ENOX2: variants seen among roughly 807,000 people sequenced by gnomAD.
ENOX2 encodes ecto-NOX disulfide-thiol exchanger 2, also known as APK1 antigen.
A neutral mutation model predicts 45.0 loss-of-function variants in ENOX2; 36 were observed. That is an observed-to-expected ratio of 0.80 (90% CI 0.61 to 1.06). The LOEUF is 1.06. Ranked by LOEUF, ENOX2 falls within the 50% of genes least tolerant of loss-of-function variation. ENOX2 has a pLI of 0.00. For missense variants in ENOX2, 423 were observed against 462.5 expected (o/e 0.91, Z 0.78); for synonymous variants, 174 against 152.3 (o/e 1.14, Z -1.05).
intron 3 of ENOX2, among the ~76,000 whole-genome samples, chrX:130,706,122 T>G (rs1400850593): frequency 8.9e-6 from 1 of 112,342 alleles, no homozygotes; most frequent in African/African-American, 3.2e-5. Context: ...CTCTCACTCA[T>G]TCCTTGCAAA....
chrX:130,689,072 A>G (rs1435830549), intron 4 of ENOX2, 54 bp from the exon 5 acceptor site: 2 of 1,052,603 alleles, frequency 1.9e-6, no homozygotes, highest in Non-Finnish European at 2.6e-6. Context: ...TTAAGTGGAG[A>G]TAGAATGTTA....
intron 3 of ENOX2, among the ~76,000 whole-genome samples, chrX:130,706,128 G>T (rs990805990): frequency 1.8e-5 from 2 of 111,875 alleles, no homozygotes; most frequent in African/African-American, 6.5e-5. Flanking sequence ...CTCATTCCTT[G>T]CAAACTAAAC....
In ENOX2 at chrX:130,676,484, GC is replaced by G. The variant is rs1258953324; in HGVS notation, c.460+3057del. Among the ~76,000 whole-genome samples, 8 of 111,497 alleles carry G rather than the reference GC, an allele frequency of 7.2e-5. No homozygotes were observed. The Admixed American group carries it at 7.6e-4, about 11-fold the overall frequency. ...GATGGAAATCCCCTTTCTTTTGGCAGCCCTAAGAATGTTTCTAGGAGGTGGC... is the reference window on the plus strand; with the variant it reads ...GATGGAAATCCCCTTTCTTTTGGCAGCCTAAGAATGTTTCTAGGAGGTGGC... On this transcript the variant is annotated intron_variant, in intron 6 of 14. Coordinates refer to ENST00000394363, the MANE Select transcript of ENOX2 (RefSeq NM_006375.4).
intron 6 of ENOX2, among the ~76,000 whole-genome samples, chrX:130,673,786 C>T (rs764045987): frequency 8.9e-6 from 1 of 111,883 alleles, no homozygotes; most frequent in Admixed American, 9.4e-5. Context: ...GAAAATTTGC[C>T]TGGTCTTGCA....
rs186168409 is a variant in ENOX2 at position 130,864,560 on chromosome X, T to A, written c.-183+37124A>T. ...TTGTTACAGGGCAGTTGATAACTAA[T>A]ACAAAGTCCAAGCTCAAAACATAGT... On this transcript the variant is annotated intron_variant, in intron 2 of 14. Coordinates refer to ENST00000394363, the MANE Select transcript of ENOX2 (RefSeq NM_006375.4). Among the ~76,000 whole-genome samples the A allele has an allele frequency of 4.3e-4, 48 of 112,448 alleles. 1 individual carries two copies. The East Asian group carries it at 9.7e-3, about 23-fold the overall frequency.
chrX:130,832,767 T>G (rs184506344), intron 2 of ENOX2, among the ~76,000 whole-genome samples: 2 of 110,528 alleles, frequency 1.8e-5, no homozygotes, highest in African/African-American at 6.6e-5. Flanking sequence ...AGGGGTCTCC[T>G]AGGCCTGTCT....
intron 2 of ENOX2, among the ~76,000 whole-genome samples, chrX:130,806,507 A>C (rs185339719): frequency 8.9e-6 from 1 of 112,141 alleles, no homozygotes; most frequent in Non-Finnish European, 1.9e-5. Context: ...TTAAAAAAAA[A>C]TTTTTTTCCA....
At chrX:130,668,334 T>C (rs1017296005) in intron 7 of ENOX2, among the ~76,000 whole-genome samples, 5 of 111,852 alleles carry the variant, frequency 4.5e-5, no homozygotes, top group Non-Finnish European at 9.4e-5. Flanking sequence ...ATGCACATCT[T>C]CGACCTTTTA....
intron 2 of ENOX2, among the ~76,000 whole-genome samples, chrX:130,853,839 C>T (rs1001858268): frequency 2.2e-4 from 25 of 111,198 alleles, no homozygotes; most frequent in South Asian, 7.7e-4. Flanking sequence ...AATGAAGTTC[C>T]CCCACCCCCA....
At chrX:130,649,526 T>C (rs2036344868) in intron 10 of ENOX2, among the ~76,000 whole-genome samples, 1 of 111,911 alleles carries the variant, frequency 8.9e-6, no homozygotes, top group Admixed American at 9.5e-5. Context: ...TAGAAGTATC[T>C]TCTACTAGTG....
chrX:130,857,567 C>T (rs2078332219), intron 2 of ENOX2, among the ~76,000 whole-genome samples: 1 of 111,784 alleles, frequency 8.9e-6, no homozygotes, highest in African/African-American at 3.2e-5. Context: ...ATAGCACCTA[C>T]AGTTAACAAT....
intron 12 of ENOX2, among the ~76,000 whole-genome samples, chrX:130,632,596 G>C (rs1202403479): frequency 8.9e-6 from 1 of 111,914 alleles, no homozygotes; most frequent in Non-Finnish European, 1.9e-5. Context: ...TTGGGGGGCA[G>C]ATCATGGCTG....
At chrX:130,869,610 G>A (rs1179225393) in intron 2 of ENOX2, among the ~76,000 whole-genome samples, 1 of 111,960 alleles carries the variant, frequency 8.9e-6, no homozygotes, top group African/African-American at 3.2e-5. Flanking sequence ...TTACAGATGA[G>A]GAAACTCAGA....
At position 130,891,899 on chromosome X, in the gene ENOX2, C is replaced by T. The variant is rs184977288; in HGVS notation, c.-183+9785G>A. Among the ~76,000 whole-genome samples the T allele has an allele frequency of 2.7e-3, 302 of 111,682 alleles. 1 individual carries two copies. Among genetic ancestry groups the T allele is most frequent in the Non-Finnish European group, 4.2e-3 (222 of 53,103 alleles). The stretch of plus-strand genomic sequence containing the variant: ...AATTTCATTTTACAGTTTGGTATAA[C>T]GGTTAGGAATACTGGGCTCTGGAGT... On this transcript the variant is annotated intron_variant, in intron 2 of 14. Coordinates refer to ENST00000394363, the MANE Select transcript of ENOX2 (RefSeq NM_006375.4).
At chrX:130,662,839 A>C in intron 9 of ENOX2, among the ~76,000 whole-genome samples, 1 of 112,454 alleles carries the variant, frequency 8.9e-6, no homozygotes, top group Non-Finnish European at 1.9e-5. Context: ...AAGATTTGAG[A>C]TATTCAAGGT....
intron 14 of ENOX2, among the ~76,000 whole-genome samples, chrX:130,626,762 G>C (rs1410622810): frequency 9.0e-6 from 1 of 111,717 alleles, no homozygotes; most frequent in African/African-American, 3.3e-5. Flanking sequence ...GCTGGGATGT[G>C]GTTAGAACAA....
intron 3 of ENOX2, among the ~76,000 whole-genome samples, chrX:130,754,188 A>G (rs2039295310): frequency 8.9e-6 from 1 of 111,898 alleles, no homozygotes; most frequent in Non-Finnish European, 1.9e-5. Flanking sequence ...ATTATGTGTC[A>G]ACTAAAAATA....
At chrX:130,899,816 A>T (rs964264139) in intron 2 of ENOX2, among the ~76,000 whole-genome samples, 5 of 112,297 alleles carry the variant, frequency 4.5e-5, no homozygotes, top group Non-Finnish European at 9.4e-5. Flanking sequence ...TAATGAACAT[A>T]GAAACATAGC....
chrX:130,891,490 G>GTTTTTT, intron 2 of ENOX2, among the ~76,000 whole-genome samples: 1 of 44,565 alleles, frequency 2.2e-5, no homozygotes, highest in Admixed American at 2.8e-4. Context: ...ACACTATATG[G>GTTTTTT]TTTTTTTTTT....
Sources: allele counts gnomAD v4.1 joint callset (sites outside exome capture counted in the v4.1 genomes callset), GRCh38; gene constraint gnomAD v4.1.1; transcripts MANE v1.5; gene names NCBI Gene and HGNC (gene_info 2026-07-23, HGNC 2026-07-21).